The following WHRN variants were observed in gnomAD, a reference collection of about 807,000 sequenced individuals.
WHRN encodes CASK-interacting protein CIP98.
A neutral mutation model predicts 68.3 loss-of-function variants in WHRN; 41 were observed. That is an observed-to-expected ratio of 0.60 (90% CI 0.47 to 0.78). The LOEUF (loss-of-function observed/expected upper bound fraction) is 0.78, where lower values mean the gene tolerates loss of function less well. WHRN is among the 30% of genes least tolerant of loss of function. The pLI is 0.00. For synonymous variants in WHRN, 560 were observed against 561.3 expected (o/e 1.00, Z 0.03); for missense variants, 1,243 against 1,244.7 (o/e 1.00, Z 0.02).
intron 11 of WHRN, 106 bp downstream of exon 11, chr9:114,403,111 C>G: frequency 1.3e-6 from 2 of 1,569,676 alleles, no homozygotes; most frequent in Non-Finnish European, 1.8e-6. Context: ...CCTAGGTCTG[C>G]CCTTGAGTGC....
intron 7 of WHRN, among the ~76,000 whole-genome samples, chr9:114,415,735 G>A (rs1835769922): frequency 6.6e-6 from 1 of 152,220 alleles, no homozygotes; most frequent in Admixed American, 6.5e-5. Context: ...GCTCCACAAA[G>A]GCTGCTGCAT....
At chr9:114,485,650 C>T (rs996375372) in intron 1 of WHRN, among the ~76,000 whole-genome samples, 6 of 151,984 alleles carry the variant, frequency 3.9e-5, no homozygotes, top group Non-Finnish European at 8.8e-5. Context: ...CAAGATTGCA[C>T]CACTGCACTA....
chr9:114,417,385 G>A (rs554498745), intron 7 of WHRN, among the ~76,000 whole-genome samples: 1 of 152,326 alleles, frequency 6.6e-6, no homozygotes, highest in Admixed American at 6.5e-5. Context: ...CTAGAACAAA[G>A]AACATTTTCC....
intron 1 of WHRN, among the ~76,000 whole-genome samples, chr9:114,491,393 T>G (rs1008348421): frequency 1.3e-5 from 2 of 152,174 alleles, no homozygotes; most frequent in African/African-American, 4.8e-5. Context: ...AATGCAAAAC[T>G]CTTGTGATAA....
chr9:114,431,814 T>C (rs1262840675), intron 3 of WHRN, among the ~76,000 whole-genome samples: 5 of 152,112 alleles, frequency 3.3e-5, no homozygotes, highest in African/African-American at 1.2e-4. Context: ...AGGCGTCTCT[T>C]ATAGATGCAG....
rs566727790 is a variant in WHRN, at chr9:114,445,536, G to A, written c.964-19123C>T. Among the ~76,000 whole-genome samples, 828 of 152,162 alleles carry A rather than the reference G, an allele frequency of 5.4e-3. 5 individuals are homozygous for A. The highest frequency in any genetic ancestry group is 0.019 in the African/African-American group (800 of 41,498). On this transcript the variant is annotated intron_variant, in intron 3 of 11. Transcript: ENST00000362057. ...AAGACCAGACTGTCAAGTGTATAAA[G>A]AAAAAAATTCCACAACTAAATGAAA...
At chr9:114,451,439 T>G (rs763762374) in intron 3 of WHRN, among the ~76,000 whole-genome samples, 4 of 152,146 alleles carry the variant, frequency 2.6e-5, no homozygotes, top group Admixed American at 1.3e-4. Context: ...GCAAGATGAT[T>G]TCAAGGAATC....
chr9:114,474,101 T>A (rs1841458896), intron 2 of WHRN, among the ~76,000 whole-genome samples: 1 of 152,156 alleles, frequency 6.6e-6, no homozygotes, highest in Non-Finnish European at 1.5e-5. Context: ...TCAAGCCATT[T>A]CAAAGAAATG....
intron 7 of WHRN, among the ~76,000 whole-genome samples, chr9:114,421,273 C>A (rs780500074): frequency 6.6e-6 from 1 of 152,230 alleles, no homozygotes; most frequent in African/African-American, 2.4e-5. Context: ...TGGTGCTTCT[C>A]AGGTAGGGGA....
Position 114,466,561 on chromosome 9 carries a change from A to C in WHRN, c.838-169T>G, listed in dbSNP as rs546041317. On this transcript the variant is annotated intron_variant, in intron 2 of 11. Transcript: ENST00000362057. The stretch of plus-strand genomic sequence containing the variant: ...CCTAGAACATTCCAGTTCCTGCCCC[A>C]GCTCTGCCTCTGACTTGATGGGTGA... Among the ~76,000 whole-genome samples, 3 of 152,280 alleles carry C rather than the reference A, an allele frequency of 2.0e-5. No individual in the cohort carries two copies. The East Asian group carries it at 5.8e-4, about 29-fold the overall frequency.
At chr9:114,421,673 A>C (rs1271499270) in intron 7 of WHRN, among the ~76,000 whole-genome samples, 1 of 152,214 alleles carries the variant, frequency 6.6e-6, no homozygotes, top group African/African-American at 2.4e-5. Context: ...AGTGGAGCCT[A>C]TCTTAGAGAG....
intron 1 of WHRN, among the ~76,000 whole-genome samples, chr9:114,483,240 C>G (rs1213603122): frequency 6.6e-6 from 1 of 152,200 alleles, no homozygotes; most frequent in Non-Finnish European, 1.5e-5. Context: ...CTTTCAATAT[C>G]TACGCAGGCT....
chr9:114,409,840 C>G (rs922980960), intron 7 of WHRN, among the ~76,000 whole-genome samples: 22 of 151,934 alleles, frequency 1.4e-4, no homozygotes, highest in African/African-American at 5.1e-4. Context: ...CTCCACCTTG[C>G]TTTATTTTTC....
chr9:114,419,211 C>T (rs933318882), intron 7 of WHRN, among the ~76,000 whole-genome samples: 2 of 152,170 alleles, frequency 1.3e-5, no homozygotes, highest in Non-Finnish European at 2.9e-5. Context: ...CAAGTTGCTT[C>T]TCCTCTCTGA....
chr9:114,432,061 GCTTT>G (rs989025773), intron 3 of WHRN, among the ~76,000 whole-genome samples: 19 of 152,338 alleles, frequency 1.2e-4, no homozygotes, highest in African/African-American at 4.6e-4. Context: ...AATAAAGGCA[GCTTT>G]ATTTTATTTG....
At chr9:114,476,203 A>G (rs993930469) in intron 2 of WHRN, among the ~76,000 whole-genome samples, 4 of 152,066 alleles carry the variant, frequency 2.6e-5, no homozygotes, top group Non-Finnish European at 4.4e-5. Flanking sequence ...CCTGGGCTCA[A>G]GCAACCCTCC....
chr9:114,411,544 G>A (rs968090799), intron 7 of WHRN, among the ~76,000 whole-genome samples: 1 of 152,204 alleles, frequency 6.6e-6, no homozygotes, highest in African/African-American at 2.4e-5. Context: ...GGCGCATCAG[G>A]GGCTTTGCAC....
intron 2 of WHRN, 131 bp from the exon 3 acceptor site, chr9:114,466,523 G>A: frequency 1.5e-6 from 2 of 1,323,834 alleles, no homozygotes; most frequent in South Asian, 2.4e-5. Flanking sequence ...CCAGGCCAAG[G>A]CCTGGAAGAT....
chr9:114,474,831 G>A (rs1054105964), intron 2 of WHRN, among the ~76,000 whole-genome samples: 1 of 152,172 alleles, frequency 6.6e-6, no homozygotes, highest in Non-Finnish European at 1.5e-5. Flanking sequence ...AGCTTAATAA[G>A]ACGCAGAATT....
Sources: gnomAD v4.1 joint callset for allele counts (sites outside exome capture counted in the v4.1 genomes callset) on GRCh38, gnomAD v4.1.1 for gene constraint, MANE v1.5 for transcripts, NCBI Gene and HGNC (gene_info 2026-07-23, HGNC 2026-07-21) for gene names.